TBK1: variants seen among roughly 807,000 people sequenced by gnomAD.
The protein encoded by TBK1 is serine/threonine-protein kinase TBK1.
A neutral mutation model predicts 99.9 loss-of-function variants in TBK1; 37 were observed. That is an observed-to-expected ratio of 0.37 (90% confidence interval 0.28 to 0.49). The LOEUF (loss-of-function observed/expected upper bound fraction) is 0.49, where lower values mean the gene tolerates loss of function less well. Among genes scored for constraint, TBK1 ranks in the 20% least tolerant of loss-of-function variants. The pLI is 0.98. For synonymous variants in TBK1, 258 were observed against 279.8 expected, an observed-to-expected ratio of 0.92 and a Z score of 0.78; for missense variants, 644 against 872.5, an observed-to-expected ratio of 0.74 and a Z score of 3.30.
At chr12:64,498,912 C>T (rs1278854108) in intron 20 of TBK1, among the ~76,000 whole-genome samples, 1 of 149,972 alleles carries the variant, frequency 6.7e-6, no homozygotes, top group Non-Finnish European at 1.5e-5. Context: ...GCCGAGATCA[C>T]ACCACTGCAC....
intron 11 of TBK1, among the ~76,000 whole-genome samples, chr12:64,487,407 C>G (rs1191545726): frequency 3.3e-5 from 5 of 152,140 alleles, no homozygotes; most frequent in Admixed American, 3.3e-4. Flanking sequence ...CATTTCATCA[C>G]TCTTTTTAGG....
intron 13 of TBK1, among the ~76,000 whole-genome samples, chr12:64,493,266 A>G (rs2040889734): frequency 6.6e-6 from 1 of 152,074 alleles, no homozygotes. Context: ...AATACCACAT[A>G]TATTATGCAC....
At chr12:64,466,353 AAAG>A (rs1487709268) in intron 4 of TBK1, among the ~76,000 whole-genome samples, 1 of 152,184 alleles carries the variant, frequency 6.6e-6, no homozygotes, top group Non-Finnish European at 1.5e-5. Context: ...CCTTAAGAAA[AAAG>A]AAGAAAAAAT....
intron 12 of TBK1, 91 bp downstream of exon 12, chr12:64,488,679 C>A: frequency 1.1e-6 from 1 of 910,236 alleles, no homozygotes; most frequent in South Asian, 1.6e-5. Context: ...CACAATATGG[C>A]ATGCTATGCT....
At position 64,484,258 on chromosome 12, in the gene TBK1, A is replaced by T. The variant is rs772604609; in HGVS notation, c.993-45A>T. 5.2e-6 allele frequency: 7 copies of T among 1,345,864 alleles called. No individual in the cohort carries two copies. The Admixed American group carries it at 1.3e-4, about 25-fold the overall frequency. The allele number at this position is 1,345,864 out of a possible 1,614,324, so 83.4% of individuals were successfully genotyped here. A position where few individuals can be genotyped will look rare whatever the true frequency, so the allele number is the denominator to read the frequency against. ...ACTCATTTAAAATATTTTGCCTCTCACTTTATCCCCAGTTATAGTGTCCTT... is the reference window on the plus strand; with the variant it reads ...ACTCATTTAAAATATTTTGCCTCTCTCTTTATCCCCAGTTATAGTGTCCTT... On this transcript the variant is annotated intron_variant, in intron 8 of 20. Coordinates refer to ENST00000331710, the MANE Select transcript of TBK1 (RefSeq NM_013254.4).
intron 5 of TBK1, among the ~76,000 whole-genome samples, chr12:64,467,480 A>AAC (rs1298956979): frequency 2.6e-5 from 4 of 152,172 alleles, no homozygotes; most frequent in South Asian, 2.1e-4. Flanking sequence ...CATTGTTAGA[A>AAC]ACACACACAC....
At chr12:64,479,368 T>G (rs1235893079) in intron 6 of TBK1, among the ~76,000 whole-genome samples, 1 of 152,218 alleles carries the variant, frequency 6.6e-6, no homozygotes, top group Non-Finnish European at 1.5e-5. Context: ...AAAAATCTCT[T>G]AAGGCAGAAA....
chr12:64,480,156 A>C (rs2040754740), intron 7 of TBK1, 34 bp downstream of exon 7: 1 of 1,525,426 alleles, frequency 6.6e-7, no homozygotes. Flanking sequence ...CATCTTTTGC[A>C]CTTTGGTGTT....
Position 64,501,336 on chromosome 12 carries a change from C to T in TBK1, c.2145C>T (p.Gly715=). 1 of 1,613,786 alleles carries T rather than the reference C, an allele frequency of 6.2e-7. No homozygotes were observed. The highest frequency in any genetic ancestry group is 8.5e-7 in the Non-Finnish European group (1 of 1,179,902). ...CTTTGTGTGTGTGTTTTAGGTTTGG[C>T]TCTTTAACCATGGATGGTGGCCTTC... ...AENNHILERF[G]SLTMDGGLRN... Residue 715 remains glycine (G), a synonymous_variant, in exon 21 of 21, where the codon GGC becomes GGT. Coordinates refer to ENST00000331710, the MANE Select transcript of TBK1 (RefSeq NM_013254.4).
intron 12 of TBK1, among the ~76,000 whole-genome samples, chr12:64,489,442 A>G (rs1255400837): frequency 6.6e-6 from 1 of 152,212 alleles, no homozygotes; most frequent in Non-Finnish European, 1.5e-5. Context: ...TATTTTTACT[A>G]TTATCCTCAT....
chr12:64,459,312 G>A (rs2040522276), intron 2 of TBK1, among the ~76,000 whole-genome samples: 1 of 152,208 alleles, frequency 6.6e-6, no homozygotes, highest in Admixed American at 6.5e-5. Context: ...TGATTGGAAG[G>A]AAGTGAGAGG....
intron 13 of TBK1, among the ~76,000 whole-genome samples, chr12:64,492,525 G>A (rs2040879386): frequency 6.6e-6 from 1 of 152,054 alleles, no homozygotes. Flanking sequence ...AGGCTGGTCT[G>A]GAACTCCCAA....
chr12:64,467,618 T>C (rs2040620231), intron 5 of TBK1, among the ~76,000 whole-genome samples: 1 of 152,060 alleles, frequency 6.6e-6, no homozygotes, highest in Admixed American at 6.5e-5. Flanking sequence ...GAAAATATAC[T>C]TAAAAGTAAA....
chr12:64,463,832 C>T (rs2040574580), intron 3 of TBK1, among the ~76,000 whole-genome samples: 1 of 151,556 alleles, frequency 6.6e-6, no homozygotes, highest in Non-Finnish European at 1.5e-5. Flanking sequence ...AACTTCTTCA[C>T]CTAATAGGAA....
At chr12:64,459,396 T>C (rs542661485) in intron 2 of TBK1, among the ~76,000 whole-genome samples, 6 of 152,334 alleles carry the variant, frequency 3.9e-5, no homozygotes, top group African/African-American at 1.4e-4. Flanking sequence ...AATGTAAGCA[T>C]GTGTTTTGAA....
intron 6 of TBK1, among the ~76,000 whole-genome samples, chr12:64,475,390 C>T (rs2040702015): frequency 6.6e-6 from 1 of 152,016 alleles, no homozygotes; most frequent in Admixed American, 6.6e-5. Context: ...GAACGTGGTA[C>T]CGAATAAGAA....
intron 4 of TBK1, among the ~76,000 whole-genome samples, chr12:64,464,727 TATCCAGACAACTCAACAATA>T (rs1163146163): frequency 6.6e-6 from 1 of 152,130 alleles, no homozygotes; most frequent in Non-Finnish European, 1.5e-5. Flanking sequence ...AAGGGATTTT[TATCCAGACAACTCAACAATA>T]AAAAGCCAAA....
intron 6 of TBK1, among the ~76,000 whole-genome samples, chr12:64,476,349 G>A (rs571328848): frequency 5.9e-5 from 9 of 151,302 alleles, no homozygotes; most frequent in Admixed American, 4.0e-4. Flanking sequence ...TAGTAGAGAC[G>A]GGGTTTCACC....
At chr12:64,461,008 G>A (rs778313241) in intron 3 of TBK1, among the ~76,000 whole-genome samples, 2 of 151,678 alleles carry the variant, frequency 1.3e-5, no homozygotes, top group African/African-American at 2.4e-5. Context: ...CTGAGCCTGA[G>A]AGGTCAAGGC....
Sources: gnomAD v4.1 joint callset for allele counts (sites outside exome capture counted in the v4.1 genomes callset) on GRCh38, gnomAD v4.1.1 for gene constraint, MANE v1.5 for transcripts, NCBI Gene and HGNC (gene_info 2026-07-23, HGNC 2026-07-21) for gene names.